USH1C: variants seen among roughly 807,000 people sequenced by gnomAD.
USH1C encodes the protein harmonin.
In USH1C, 90 loss-of-function variants were observed where a neutral mutation model predicts 119.3. The observed-to-expected ratio is 0.75, with a 90% confidence interval of 0.64 to 0.90. The LOEUF is 0.90. Among genes scored for constraint, USH1C ranks in the 40% least tolerant of loss-of-function variants. USH1C has a pLI of 0.00. For missense variants in USH1C, 1,165 were observed against 1,167.7 expected (o/e 1.00, Z 0.03); for synonymous variants, 465 against 443.3 (o/e 1.05, Z -0.62).
At chr11:17,534,021 G>A (rs999062500) in intron 1 of USH1C, 5 of 264,472 alleles carry the variant, frequency 1.9e-5, no homozygotes, top group Admixed American at 1.7e-4. Flanking sequence ...CAGGAGTTGT[G>A]TCATTAGCAC....
At chr11:17,505,793 C>T in intron 19 of USH1C, 37 bp downstream of exon 19, 1 of 1,613,532 alleles carries the variant, frequency 6.2e-7, no homozygotes. Flanking sequence ...TGGTCTGCTC[C>T]TCTAGAGACA....
intron 14 of USH1C, among the ~76,000 whole-genome samples, chr11:17,520,291 C>T (rs1319725170): frequency 6.6e-6 from 1 of 152,108 alleles, no homozygotes; most frequent in Non-Finnish European, 1.5e-5. Context: ...TGAGCTGAGG[C>T]CCCAGGACAG....
chr11:17,526,392 T>G lies in USH1C; in HGVS notation c.629A>C (p.Lys210Thr), dbSNP rs372789934. 66 of 1,614,030 alleles carry G rather than the reference T, an allele frequency of 4.1e-5. No homozygotes were observed. The highest frequency in any genetic ancestry group is 5.3e-5 in the Non-Finnish European group (62 of 1,180,034). ...GCCTACCAGGCTGATGAAGACCTTC[T>G]TCTCCTTGTTTTCCCGATTTCCAGG... ...GSPGNRENKE[K>T]KVFISLVGSR... The change falls in exon 8 of 27, where the codon AAG becomes ACG. Residue 210 changes from lysine to threonine, a missense_variant. Transcript: ENST00000005226.
chr11:17,495,432 C>T, intron 26 of USH1C, 137 bp downstream of exon 26: 1 of 908,484 alleles, frequency 1.1e-6, no homozygotes, highest in Non-Finnish European at 1.8e-6. Flanking sequence ...ACAGCAGGCC[C>T]CAGGCAGCAC....
chr11:17,531,458 C>A lies in USH1C; in HGVS notation c.189G>T (p.Arg63=). The part of the protein sequence containing the change: ...PSRLPLFDAI[R]PLIPLKHQVE... ...CCTGGTGCTTCAGTGGGATCAGCGG[C>A]CGAATGGCATCAAACAGAGGCAGAC... Residue 63 remains arginine, a synonymous_variant, in exon 3 of 27, where the codon CGG becomes CGT. Transcript: ENST00000005226. This position sits in a 1 kb window ranked among gnomAD's most constrained non-coding sequence, Gnocchi z 4.2. 1 of 1,614,102 alleles carries A rather than the reference C, an allele frequency of 6.2e-7. No homozygotes were observed.
chr11:17,502,111 G>C (rs1421986973), intron 20 of USH1C, 131 bp from the exon 21 acceptor site: 17 of 891,128 alleles, frequency 1.9e-5, no homozygotes, highest in Non-Finnish European at 2.6e-5. Flanking sequence ...GGCACGGCCA[G>C]GGTACGGGAT....
At chr11:17,501,225 T>C (rs1042395223) in intron 22 of USH1C, 75 bp from the exon 23 acceptor site, 5 of 1,263,760 alleles carry the variant, frequency 4.0e-6, no homozygotes, top group Non-Finnish European at 5.7e-6. Flanking sequence ...AAGGAGTCTC[T>C]TGACAGAGCC....
Position 17,494,295 on chromosome 11 carries a change from T to A in USH1C, c.*37A>T. 6.2e-7 allele frequency: 1 copy of A among 1,602,278 alleles called. No individual in the cohort carries two copies. The highest frequency in any genetic ancestry group is 1.1e-5 in the South Asian group (1 of 88,564). ...GCCTCTCTCAAGGCTGATCCGAGGCTTTGTGTTCACGAGGTGGGGCCGGAG... is the reference window on the plus strand; with the variant it reads ...GCCTCTCTCAAGGCTGATCCGAGGCATTGTGTTCACGAGGTGGGGCCGGAG... On this transcript the variant is annotated 3_prime_UTR_variant, in exon 27 of 27. Transcript: ENST00000005226.
intron 18 of USH1C, 44 bp downstream of exon 18, chr11:17,509,312 A>T (rs202145129): frequency 9.6e-5 from 147 of 1,523,642 alleles, no homozygotes; most frequent in Admixed American, 2.0e-5. Context: ...AGTTCTCCCC[A>T]CTCTTCCTAC....
intron 1 of USH1C, among the ~76,000 whole-genome samples, chr11:17,538,360 T>G (rs1851312854): frequency 6.6e-6 from 1 of 152,146 alleles, no homozygotes. Flanking sequence ...TTTGGCCATG[T>G]GGTACCCTCC....
At chr11:17,519,176 A>C (rs67020696) in intron 14 of USH1C, among the ~76,000 whole-genome samples, 16,894 of 152,144 alleles carry the variant, frequency 0.11, 1,156 homozygotes, top group South Asian at 0.24. Context: ...ACCATGCTAG[A>C]CCCCGGGGAA....
intron 13 of USH1C, 27 bp from the exon 14 acceptor site, chr11:17,521,021 C>G: frequency 6.2e-7 from 1 of 1,613,810 alleles, no homozygotes; most frequent in South Asian, 1.1e-5. Context: ...ATGCCTGTTA[C>G]TGGAGTCAGA....
At chr11:17,502,926 C>T (rs1849501707) in intron 20 of USH1C, among the ~76,000 whole-genome samples, 1 of 152,110 alleles carries the variant, frequency 6.6e-6, no homozygotes. Flanking sequence ...GTGGAGCCAC[C>T]CACAGCATGC....
chr11:17,526,602 C>G, intron 7 of USH1C, 151 bp downstream of exon 7: 1 of 1,125,006 alleles, frequency 8.9e-7, no homozygotes, highest in South Asian at 1.3e-5. Flanking sequence ...TGGCCGAGGG[C>G]TGCTGCCCCA....
intron 18 of USH1C, among the ~76,000 whole-genome samples, chr11:17,507,746 C>T (rs1400500132): frequency 6.6e-6 from 1 of 152,224 alleles, no homozygotes; most frequent in African/African-American, 2.4e-5. Flanking sequence ...AGGATTCAAA[C>T]CCAGGCAGGC....
At chr11:17,500,977 T>C in intron 23 of USH1C, 74 bp downstream of exon 23, 1 of 1,296,576 alleles carries the variant, frequency 7.7e-7, no homozygotes, top group Non-Finnish European at 1.1e-6. Context: ...AGTGGTCACC[T>C]GTTTGCTTTC....
intron 23 of USH1C, among the ~76,000 whole-genome samples, chr11:17,498,923 A>G (rs971666130): frequency 6.6e-6 from 1 of 152,228 alleles, no homozygotes; most frequent in African/African-American, 2.4e-5. Context: ...TATCCCCAGC[A>G]CTTAACATAA....
chr11:17,504,562 A>T, intron 20 of USH1C, 85 bp downstream of exon 20: 2 of 1,459,288 alleles, frequency 1.4e-6, no homozygotes. Context: ...CTGACCAGGT[A>T]CTCCCAGAGA....
At chr11:17,525,672 G>A (rs1272792914) in intron 8 of USH1C, among the ~76,000 whole-genome samples, 2 of 152,172 alleles carry the variant, frequency 1.3e-5, no homozygotes, top group Non-Finnish European at 2.9e-5. Flanking sequence ...GTGTCTGTTC[G>A]GAATTCCCTG....
Sources: allele counts gnomAD v4.1 joint callset (sites outside exome capture counted in the v4.1 genomes callset), GRCh38; gene constraint gnomAD v4.1.1; non-coding constraint Gnocchi (gnomAD v3.1); transcripts MANE v1.5; gene names NCBI Gene and HGNC (gene_info 2026-07-23, HGNC 2026-07-21).